Variants in GABRA1 observed in about 807,000 individuals in gnomAD.
GABRA1 encodes the protein gamma-aminobutyric acid type A receptor subunit alpha1.
A neutral mutation model predicts 48.9 loss-of-function variants in GABRA1; 9 were observed. The ratio of observed to expected loss-of-function variants is 0.18; its 90% CI spans 0.11 to 0.32. GABRA1 has a LOEUF of 0.32. Among genes scored for constraint, GABRA1 ranks in the 10% least tolerant of loss-of-function variants. The pLI, the probability that GABRA1 is intolerant of heterozygous loss-of-function variation, is 1.00. For missense variants in GABRA1, 285 were observed against 553.8 expected (o/e 0.51, Z 4.87); for synonymous variants, 210 against 198.7 (o/e 1.06, Z -0.48).
At chr5:161,882,520 G>A (rs1754659804) in intron 6 of GABRA1, 38 bp from the exon 7 acceptor site, 2 of 1,593,636 alleles carry the variant, frequency 1.3e-6, no homozygotes, top group African/African-American at 1.3e-5. Context: ...AATTGAAGTG[G>A]TAAAATATAT....
intron 5 of GABRA1, among the ~76,000 whole-genome samples, chr5:161,873,582 T>C (rs1253132115): frequency 1.3e-5 from 2 of 152,172 alleles, no homozygotes; most frequent in Non-Finnish European, 2.9e-5. Context: ...CTAGGTGGAT[T>C]CAATATAAGG....
At chr5:161,848,511 G>GGGGT (rs1757299946) in intron 1 of GABRA1, 89 bp downstream of exon 1, 2 of 93,010 alleles carry the variant, frequency 2.2e-5, no homozygotes, top group African/African-American at 1.0e-4. Flanking sequence ...TAGTCGGGGG[G>GGGGT]GGGGGGCGGG....
intron 8 of GABRA1, among the ~76,000 whole-genome samples, chr5:161,893,360 G>A (rs1457706): frequency 0.63 from 95,179 of 151,880 alleles, 30,134 homozygotes; most frequent in Admixed American, 0.7. Context: ...AAGTTCACTA[G>A]AATCACAAAT....
chr5:161,856,621 A>G (rs1208503399), intron 3 of GABRA1, among the ~76,000 whole-genome samples: 3 of 146,692 alleles, frequency 2.0e-5, no homozygotes, highest in Admixed American at 6.8e-5. Flanking sequence ...AGTACACTTA[A>G]ATGTGATGGA....
chr5:161,893,045 T>TAAA (rs201703824), intron 8 of GABRA1, among the ~76,000 whole-genome samples: 1,067 of 86,236 alleles, frequency 0.012, 4 homozygotes, highest in Middle Eastern at 0.042. Flanking sequence ...ATAATAATAA[T>TAAA]AATAAAATAA....
At chr5:161,886,837 G>A (rs1338587407) in intron 7 of GABRA1, among the ~76,000 whole-genome samples, 1 of 151,974 alleles carries the variant, frequency 6.6e-6, no homozygotes, top group African/African-American at 2.4e-5. Flanking sequence ...CTACATGATG[G>A]CATAAAGGAG....
intron 3 of GABRA1, among the ~76,000 whole-genome samples, chr5:161,857,969 A>C (rs1317687172): frequency 6.7e-6 from 1 of 148,942 alleles, no homozygotes; most frequent in Non-Finnish European, 1.5e-5. Context: ...AAAAATGGGA[A>C]GATGTGAAAG....
intron 6 of GABRA1, chr5:161,881,912 AAAGAAG>A (rs1193400888): frequency 6.6e-6 from 1 of 152,444 alleles, no homozygotes; most frequent in African/African-American, 2.4e-5. Context: ...GAAAAAAAAA[AAAGAAG>A]AAGAAGAAGT....
intron 4 of GABRA1, 132 bp from the exon 5 acceptor site, chr5:161,872,985 T>C: frequency 1.3e-6 from 1 of 749,628 alleles, no homozygotes; most frequent in Non-Finnish European, 2.4e-6. Context: ...CTATCACACG[T>C]TTACTTCTAA....
rs1754674555 is a variant in GABRA1, at chr5:161,882,808, A to G, written c.703+107A>G. 4.4e-6 allele frequency: 5 copies of G among 1,144,668 alleles called. No individual in the cohort carries two copies. In the Admixed American group the frequency reaches 5.7e-5, roughly 13 times the overall value. 70.9% of individuals were successfully genotyped at this position (1,144,668 alleles called of 1,614,324 possible). A position where few individuals can be genotyped will look rare whatever the true frequency, so the allele number is the denominator to read the frequency against. ...ACAAGTCTAGGAGAGAGAACATTTC[A>G]CTAAATTGGGCATCAGTTGAGCTGG... On this transcript the variant is annotated intron_variant, in intron 7 of 9. Coordinates refer to ENST00000393943, the MANE Select transcript of GABRA1 (RefSeq NM_001127644.2).
At chr5:161,850,555 G>C (rs949652486) in intron 1 of GABRA1, 2 of 583,408 alleles carry the variant, frequency 3.4e-6, no homozygotes, top group Non-Finnish European at 6.1e-6. Context: ...ACCTGAAAGC[G>C]TTTCAGCTTG....
intron 7 of GABRA1, among the ~76,000 whole-genome samples, chr5:161,884,458 T>A (rs559053551): frequency 5.4e-4 from 83 of 152,314 alleles, no homozygotes; most frequent in African/African-American, 1.9e-3. Context: ...ATCTGTCTTC[T>A]CTATCCCTAT....
At chr5:161,851,021 A>ATT in intron 2 of GABRA1, 137 bp downstream of exon 2, 1 of 741,514 alleles carries the variant, frequency 1.3e-6, no homozygotes, top group South Asian at 1.5e-5. Flanking sequence ...TTTCCAGCTA[A>ATT]GAATAAAGAG....
intron 2 of GABRA1, among the ~76,000 whole-genome samples, chr5:161,853,508 C>T (rs1374168044): frequency 6.6e-6 from 1 of 151,834 alleles, no homozygotes; most frequent in Non-Finnish European, 1.5e-5. Flanking sequence ...TCTAAAGGTT[C>T]TTTTTACATC....
chr5:161,849,946 A>T (rs879400929), intron 1 of GABRA1: 5 of 152,198 alleles, frequency 3.3e-5, no homozygotes, highest in African/African-American at 1.2e-4. Flanking sequence ...TTTACCTAAG[A>T]GGTAAAAAGA....
At chr5:161,895,587 T>C (rs1755324008) in intron 8 of GABRA1, 79 bp from the exon 9 acceptor site, 1 of 1,277,922 alleles carries the variant, frequency 7.8e-7, no homozygotes. Flanking sequence ...GATTTCCTTT[T>C]GTTCAAGTAG....
At chr5:161,860,249 ACTTTCAT>A (rs1455209879) in intron 3 of GABRA1, among the ~76,000 whole-genome samples, 1 of 151,852 alleles carries the variant, frequency 6.6e-6, no homozygotes, top group African/African-American at 2.4e-5. Context: ...ACAACTTGCT[ACTTTCAT>A]CTTTTCTGTG....
chr5:161,859,147 T>C (rs1757759847), intron 3 of GABRA1, among the ~76,000 whole-genome samples: 2 of 151,748 alleles, frequency 1.3e-5, no homozygotes, highest in African/African-American at 2.4e-5. Flanking sequence ...AGAGTTTCTT[T>C]GACAGCGTCA....
At chr5:161,852,852 A>T (rs1190543173) in intron 2 of GABRA1, among the ~76,000 whole-genome samples, 1 of 151,924 alleles carries the variant, frequency 6.6e-6, no homozygotes, top group East Asian at 1.9e-4. Context: ...TACGAAATTA[A>T]TTACCTGCAA....
Sources: gnomAD v4.1 joint callset for allele counts (sites outside exome capture counted in the v4.1 genomes callset) on GRCh38, gnomAD v4.1.1 for gene constraint, MANE v1.5 for transcripts, NCBI Gene and HGNC (gene_info 2026-07-23, HGNC 2026-07-21) for gene names.